FIP1L1: variants seen among roughly 807,000 people sequenced by gnomAD.
FIP1L1 encodes the protein pre-mRNA 3'-end-processing factor FIP1.
FIP1L1 carries 21 observed loss-of-function variants against 84.6 expected under a neutral mutation model. That is an observed-to-expected ratio of 0.25 (90% CI 0.18 to 0.36). FIP1L1 has a LOEUF of 0.36. FIP1L1 is among the 10% of genes least tolerant of loss of function. The probability of loss-of-function intolerance (pLI) is 1.00; values close to 1 mark genes in which losing one functional copy is unlikely to be tolerated. For missense variants in FIP1L1, 526 were observed against 751.1 expected, an observed-to-expected ratio of 0.70 and a Z score of 3.50; for synonymous variants, 263 against 242.3, an observed-to-expected ratio of 1.09 and a Z score of -0.80.
chr4:53,452,236 G>A (rs1716495137), intron 15 of FIP1L1, among the ~76,000 whole-genome samples: 2 of 151,758 alleles, frequency 1.3e-5, no homozygotes, highest in Admixed American at 6.6e-5. Flanking sequence ...TTATTTTTTT[G>A]TTGATGTTTA....
chr4:53,447,344 T>A (rs1371043304), intron 15 of FIP1L1, among the ~76,000 whole-genome samples: 1 of 152,138 alleles, frequency 6.6e-6, no homozygotes, highest in Non-Finnish European at 1.5e-5. Flanking sequence ...CTATTTTTGC[T>A]CCTCTTCTCA....
At chr4:53,403,237 A>T (rs1377661088) in intron 10 of FIP1L1, among the ~76,000 whole-genome samples, 1 of 152,152 alleles carries the variant, frequency 6.6e-6, no homozygotes, top group East Asian at 1.9e-4. Context: ...TAAAAAATTG[A>T]TGACACAGGG....
At chr4:53,451,954 G>T (rs1177258709) in intron 15 of FIP1L1, among the ~76,000 whole-genome samples, 2 of 151,358 alleles carry the variant, frequency 1.3e-5, no homozygotes, top group East Asian at 1.9e-4. Flanking sequence ...TGCAATCTCG[G>T]CTCACTGCAA....
At chr4:53,455,946 G>A (rs1203738344) in intron 16 of FIP1L1, among the ~76,000 whole-genome samples, 1 of 152,092 alleles carries the variant, frequency 6.6e-6, no homozygotes, top group East Asian at 1.9e-4. Flanking sequence ...ACACATGCGT[G>A]TGTGTGCATG....
intron 16 of FIP1L1, among the ~76,000 whole-genome samples, chr4:53,454,335 A>G (rs971904707): frequency 1.3e-5 from 2 of 152,222 alleles, no homozygotes; most frequent in Non-Finnish European, 2.9e-5. Context: ...AGGCTGTACC[A>G]TCAAAGTTTG....
At chr4:53,394,876 T>C (rs1746403735) in intron 9 of FIP1L1, among the ~76,000 whole-genome samples, 1 of 152,152 alleles carries the variant, frequency 6.6e-6, no homozygotes. Context: ...AGGGTTTTTT[T>C]TTAAGATATT....
chr4:53,424,057 A>G (rs1763418980), intron 11 of FIP1L1, among the ~76,000 whole-genome samples: 1 of 152,174 alleles, frequency 6.6e-6, no homozygotes, highest in Non-Finnish European at 1.5e-5. Context: ...TGCAAGTCCA[A>G]ACAAATTTGG....
At chr4:53,443,585 T>G (rs879079848) in intron 14 of FIP1L1, among the ~76,000 whole-genome samples, 1 of 152,166 alleles carries the variant, frequency 6.6e-6, no homozygotes, top group Admixed American at 6.6e-5. Flanking sequence ...CAAGAAAGTA[T>G]GAATTGTGAG....
At chr4:53,430,884 A>G (rs866000657) in intron 13 of FIP1L1, among the ~76,000 whole-genome samples, 1 of 152,200 alleles carries the variant, frequency 6.6e-6, no homozygotes. Flanking sequence ...ATGAATTCTA[A>G]TGCTGGTTTA....
chr4:53,455,721 A>G (rs1235257307), intron 16 of FIP1L1, among the ~76,000 whole-genome samples: 1 of 152,086 alleles, frequency 6.6e-6, no homozygotes, highest in Admixed American at 6.6e-5. Context: ...TAATTTTTTC[A>G]TAGTATGCAT....
At chr4:53,379,987 C>G (rs1336029750) in intron 3 of FIP1L1, among the ~76,000 whole-genome samples, 1 of 152,060 alleles carries the variant, frequency 6.6e-6, no homozygotes, top group South Asian at 2.1e-4. Flanking sequence ...AAGCTGCAAT[C>G]GAAAAGATAA....
intron 10 of FIP1L1, among the ~76,000 whole-genome samples, chr4:53,413,816 A>C (rs1272331421): frequency 6.6e-6 from 1 of 152,092 alleles, no homozygotes; most frequent in African/African-American, 2.4e-5. Context: ...TTTTTTGCAT[A>C]TGTAAAACAT....
chr4:53,424,314 A>G (rs1338366475), intron 11 of FIP1L1, among the ~76,000 whole-genome samples: 1 of 152,128 alleles, frequency 6.6e-6, no homozygotes, highest in African/African-American at 2.4e-5. Flanking sequence ...CATGGTAGGC[A>G]TAGCTTTGCA....
At chr4:53,382,946 C>T (rs1299200356) in intron 4 of FIP1L1, among the ~76,000 whole-genome samples, 1 of 151,844 alleles carries the variant, frequency 6.6e-6, no homozygotes, top group Non-Finnish European at 1.5e-5. Flanking sequence ...TGTAGGGCCT[C>T]TTCTAGGTAT....
chr4:53,389,324 C>T (rs1742873571), intron 5 of FIP1L1, among the ~76,000 whole-genome samples: 1 of 152,038 alleles, frequency 6.6e-6, no homozygotes, highest in African/African-American at 2.4e-5. Context: ...TATTTAATAA[C>T]TGGGAGGCAA....
At chr4:53,415,413 A>T (rs1759051340) in intron 11 of FIP1L1, among the ~76,000 whole-genome samples, 1 of 152,232 alleles carries the variant, frequency 6.6e-6, no homozygotes, top group African/African-American at 2.4e-5. Flanking sequence ...TGCAGTGATC[A>T]ATCTGAGAGA....
chr4:53,426,458 G>A (rs1452324585), intron 12 of FIP1L1, among the ~76,000 whole-genome samples: 1 of 152,098 alleles, frequency 6.6e-6, no homozygotes, highest in African/African-American at 2.4e-5. Flanking sequence ...GAGGTTGGGT[G>A]TGGAATTTTC....
At chr4:53,378,385 C>T (rs1430022657) in intron 1 of FIP1L1, 1 of 153,778 alleles carries the variant, frequency 6.5e-6, no homozygotes, top group African/African-American at 2.4e-5. Flanking sequence ...CAACTAACGT[C>T]TTGTTTCTTG....
chr4:53,424,308 G>A (rs1045375808), intron 11 of FIP1L1, among the ~76,000 whole-genome samples: 5 of 152,116 alleles, frequency 3.3e-5, no homozygotes, highest in Admixed American at 2.6e-4. Context: ...TGCAGTCATG[G>A]TAGGCATAGC....
Sources: allele counts gnomAD v4.1 joint callset (sites outside exome capture counted in the v4.1 genomes callset), GRCh38; gene constraint gnomAD v4.1.1; transcripts MANE v1.5; gene names NCBI Gene and HGNC (gene_info 2026-07-23, HGNC 2026-07-21).